ANK2: variants seen among roughly 807,000 people sequenced by gnomAD.
The protein encoded by ANK2 is ankyrin 2, also known as ankyrin-2.
Under a neutral mutation model 360.5 loss-of-function variants are expected in ANK2, and 83 were observed. The observed-to-expected ratio is 0.23, with a 90% CI of 0.19 to 0.28. ANK2 has a LOEUF of 0.28. Among genes scored for constraint, ANK2 ranks in the 10% least tolerant of loss-of-function variants. The pLI is 1.00. For missense variants in ANK2, 4,201 were observed against 4,795.7 expected (o/e 0.88, Z 3.66); for synonymous variants, 1,740 against 1,759.5 (o/e 0.99, Z 0.28).
chr4:112,960,643 A>G (rs1375628104), intron 2 of ANK2, among the ~76,000 whole-genome samples: 2 of 152,230 alleles, frequency 1.3e-5, no homozygotes, highest in South Asian at 2.1e-4. Context: ...GAGTTAAAAT[A>G]GATGAACTCT....
intron 1 of ANK2, among the ~76,000 whole-genome samples, chr4:113,102,431 A>C (rs2093009253): frequency 6.6e-6 from 1 of 152,104 alleles, no homozygotes; most frequent in Non-Finnish European, 1.5e-5. Flanking sequence ...AACCAGAGAT[A>C]GGAACTTTGG....
intron 1 of ANK2, among the ~76,000 whole-genome samples, chr4:112,899,284 G>C (rs1033777677): frequency 3.9e-5 from 6 of 152,036 alleles, no homozygotes; most frequent in African/African-American, 1.4e-4. Flanking sequence ...TAAGAAAAAA[G>C]GAGTTCCCTT....
At chr4:113,093,259 A>C (rs2089439803) in intron 1 of ANK2, among the ~76,000 whole-genome samples, 1 of 152,118 alleles carries the variant, frequency 6.6e-6, no homozygotes. Flanking sequence ...CAGATTATTA[A>C]ATTACTGTTT....
intron 1 of ANK2, among the ~76,000 whole-genome samples, chr4:113,057,584 C>T (rs895474067): frequency 6.6e-6 from 1 of 152,118 alleles, no homozygotes; most frequent in Non-Finnish European, 1.5e-5. Flanking sequence ...GATGACTGAG[C>T]CTGTGTCCTT....
chr4:112,989,454 G>A lies in ANK2; in HGVS notation c.21+84940G>A, dbSNP rs76407939. Reference sequence around the variant, plus strand: ...CAAATTTCCCTTTATTTTTAGTGGTGTTTTATATTTATTGCAGCTAATTGA... The same window carrying A: ...CAAATTTCCCTTTATTTTTAGTGGTATTTTATATTTATTGCAGCTAATTGA... On this transcript the variant is annotated intron_variant, in intron 2 of 30. Transcript: ENST00000503271. Among the ~76,000 whole-genome samples the A allele has an allele frequency of 1.8e-3, 279 of 152,244 alleles. 1 individual carries two copies. The highest frequency in any genetic ancestry group is 6.4e-3 in the African/African-American group (265 of 41,542).
the ANK2 span, chr4:112,788,717 A>G: frequency 1.9e-6 from 3 of 1,595,124 alleles, no homozygotes; most frequent in African/African-American, 1.3e-5. Flanking sequence ...GCCATTTCAC[A>G]AAGCGGGTGA....
intron 2 of ANK2, among the ~76,000 whole-genome samples, chr4:112,929,613 T>C (rs2092956334): frequency 6.6e-6 from 1 of 152,200 alleles, no homozygotes; most frequent in Admixed American, 6.5e-5. Flanking sequence ...CCAGGCTTAG[T>C]TTTTCCTAAG....
intron 4 of ANK2, among the ~76,000 whole-genome samples, chr4:113,211,350 G>A (rs1025380174): frequency 6.6e-6 from 1 of 152,176 alleles, no homozygotes; most frequent in Non-Finnish European, 1.5e-5. Flanking sequence ...TTCACGTAAT[G>A]TGCCATTGAT....
chr4:113,098,829 A>G (rs541654903), intron 1 of ANK2, among the ~76,000 whole-genome samples: 1 of 152,114 alleles, frequency 6.6e-6, no homozygotes, highest in African/African-American at 2.4e-5. Context: ...TATTCTGTGT[A>G]TACAAGGCTG....
chr4:112,849,606 T>C (rs1010488938), intron 1 of ANK2, among the ~76,000 whole-genome samples: 2 of 152,250 alleles, frequency 1.3e-5, no homozygotes, highest in African/African-American at 4.8e-5. Flanking sequence ...AGCATATGTC[T>C]AGTCATAGAT....
At chr4:112,819,199 T>G (rs1015637677) in intron 1 of ANK2, among the ~76,000 whole-genome samples, 2 of 152,168 alleles carry the variant, frequency 1.3e-5, no homozygotes, top group African/African-American at 4.8e-5. Flanking sequence ...TGTGTGTGGT[T>G]GGAAGGAGAT....
rs199893776 is a variant in ANK2 at position 113,138,177 on chromosome 4, A to C, written c.85-36239A>C. The stretch of plus-strand genomic sequence containing the variant: ...ATTTACTCTAAAGAGATCCTGAAAT[A>C]AAACCCAAGTGAATGAAGTTGGACA... On this transcript the variant is annotated intron_variant, in intron 1 of 45. Transcript: ENST00000357077. Among the ~76,000 whole-genome samples, 30 of 152,330 alleles carry C rather than the reference A, an allele frequency of 2.0e-4. 1 individual carries two copies. The East Asian group carries it at 3.1e-3, about 16-fold the overall frequency.
At chr4:113,047,686 AAAG>A (rs1247879361), upstream of ANK2, among the ~76,000 whole-genome samples, 50 of 152,084 alleles carry the variant, frequency 3.3e-4, no homozygotes, top group African/African-American at 1.1e-3. Context: ...TTTTAAAAAA[AAAG>A]AGAGAACCTT....
chr4:112,783,054 C>T, the ANK2 span, among the ~76,000 whole-genome samples: 25 of 152,096 alleles, frequency 1.6e-4, no homozygotes, highest in African/African-American at 4.8e-4. Flanking sequence ...GGACTACAGG[C>T]GTGCGCCACC....
chr4:112,787,099 A>G, the ANK2 span, among the ~76,000 whole-genome samples: 1 of 152,198 alleles, frequency 6.6e-6, no homozygotes, highest in Non-Finnish European at 1.5e-5. Flanking sequence ...ATATCTTGCA[A>G]ATTAATTTAT....
intron 1 of ANK2, among the ~76,000 whole-genome samples, chr4:113,056,381 A>G (rs1031021351): frequency 6.6e-6 from 1 of 152,166 alleles, no homozygotes. Context: ...TTGATTGCAC[A>G]TTAAAATAGA....
chr4:113,338,573 G>A (rs867961475), intron 31 of ANK2, among the ~76,000 whole-genome samples: 11 of 115,086 alleles, frequency 9.6e-5, no homozygotes, highest in South Asian at 7.8e-4. Context: ...TTTTTGAGAC[G>A]GAGTCTTGCT....
At chr4:113,111,572 A>G (rs2094305155) in intron 1 of ANK2, among the ~76,000 whole-genome samples, 2 of 152,178 alleles carry the variant, frequency 1.3e-5, no homozygotes, top group Admixed American at 6.5e-5. Flanking sequence ...AAAAGCTGTT[A>G]CAAACCAAAA....
chr4:113,334,192 G>A (rs904546674), intron 29 of ANK2, among the ~76,000 whole-genome samples: 5 of 152,108 alleles, frequency 3.3e-5, no homozygotes, highest in Non-Finnish European at 7.3e-5. Flanking sequence ...ATCCTACCAC[G>A]GTTTGAATAA....
Sources: allele counts gnomAD v4.1 joint callset (sites outside exome capture counted in the v4.1 genomes callset), GRCh38; gene constraint gnomAD v4.1.1; transcripts MANE v1.5; gene names NCBI Gene and HGNC (gene_info 2026-07-23, HGNC 2026-07-21).